SPMIP3: variants seen among roughly 807,000 people sequenced by gnomAD.
SPMIP3 encodes the protein sperm microtubule inner protein 3.
the SPMIP3 span, among the ~76,000 whole-genome samples, chr1:244,385,687 A>G: frequency 6.6e-6 from 1 of 152,168 alleles, no homozygotes; most frequent in African/African-American, 2.4e-5. Context: ...TTGTGCCTGT[A>G]TGTACTATTA....
chr1:244,367,041 T>C, the SPMIP3 span, among the ~76,000 whole-genome samples: 2 of 152,134 alleles, frequency 1.3e-5, no homozygotes, highest in Non-Finnish European at 2.9e-5. Context: ...TCAGCAGTTG[T>C]CAGCCGAGCA....
the SPMIP3 span, among the ~76,000 whole-genome samples, chr1:244,365,303 T>C: frequency 1.3e-5 from 2 of 152,238 alleles, no homozygotes; most frequent in Non-Finnish European, 2.9e-5. Flanking sequence ...GCTCCCATAA[T>C]TCCTACGTGT....
the SPMIP3 span, among the ~76,000 whole-genome samples, chr1:244,369,584 AGG>A: frequency 6.6e-6 from 1 of 152,082 alleles, no homozygotes; most frequent in Non-Finnish European, 1.5e-5. Flanking sequence ...TTACAGAGAG[AGG>A]GAGTCGCAGT....
the SPMIP3 span, chr1:244,375,411 T>C: frequency 6.2e-7 from 1 of 1,613,988 alleles, no homozygotes; most frequent in Admixed American, 1.7e-5. Flanking sequence ...TTCAAGGCTA[T>C]TACCCTGGGC....
At chr1:244,354,927 T>C in the SPMIP3 span, among the ~76,000 whole-genome samples, 16 of 152,346 alleles carry the variant, frequency 1.1e-4, no homozygotes, top group East Asian at 1.9e-4. Flanking sequence ...TTTAATTTTA[T>C]ATGCACTTGT....
chr1:244,389,118 T>C, the SPMIP3 span: 2 of 1,373,114 alleles, frequency 1.5e-6, no homozygotes, highest in Non-Finnish European at 2.1e-6. Context: ...GTGGCCCTTT[T>C]AGACTAAGTT....
the SPMIP3 span, chr1:244,376,374 C>T: frequency 2.6e-5 from 4 of 152,206 alleles, no homozygotes; most frequent in Non-Finnish European, 5.9e-5. Context: ...GCGATATACT[C>T]ACAGAAGGCT....
At chr1:244,356,277 C>T in the SPMIP3 span, among the ~76,000 whole-genome samples, 6 of 152,234 alleles carry the variant, frequency 3.9e-5, no homozygotes, top group East Asian at 9.6e-4. Flanking sequence ...TGTAAATGTT[C>T]GCTATCAGAT....
chr1:244,372,054 C>T, the SPMIP3 span, among the ~76,000 whole-genome samples: 1 of 152,204 alleles, frequency 6.6e-6, no homozygotes, highest in African/African-American at 2.4e-5. Context: ...TCATGCTAGA[C>T]AGTCAGGCCC....
chr1:244,376,331 C>T, the SPMIP3 span: 1 of 152,238 alleles, frequency 6.6e-6, no homozygotes, highest in Non-Finnish European at 1.5e-5. Context: ...ATGAAGCAGT[C>T]TTAATCTCCC....
At chr1:244,375,570 G>A in the SPMIP3 span, 1 of 697,146 alleles carries the variant, frequency 1.4e-6, no homozygotes, top group East Asian at 2.9e-5. Flanking sequence ...TAATACTGAT[G>A]ATAGCAAAAA....
chr1:244,369,048 T>C, the SPMIP3 span, among the ~76,000 whole-genome samples: 16 of 152,038 alleles, frequency 1.1e-4, no homozygotes, highest in South Asian at 2.1e-4. Context: ...AGTCCCAGCC[T>C]CTCGGGAGGC....
chr1:244,363,496 G>A, the SPMIP3 span, among the ~76,000 whole-genome samples: 1 of 152,034 alleles, frequency 6.6e-6, no homozygotes, highest in Non-Finnish European at 1.5e-5. Context: ...ACAGAAAGGG[G>A]GCTAACATAG....
At chr1:244,361,639 C>A in the SPMIP3 span, among the ~76,000 whole-genome samples, 1 of 152,176 alleles carries the variant, frequency 6.6e-6, no homozygotes. Flanking sequence ...TGGATCATTA[C>A]TCATTGTATG....
At chr1:244,377,977 T>C in the SPMIP3 span, among the ~76,000 whole-genome samples, 1 of 152,102 alleles carries the variant, frequency 6.6e-6, no homozygotes, top group Admixed American at 6.6e-5. Flanking sequence ...GGCTAATTTT[T>C]GTATTTTTTT....
the SPMIP3 span, among the ~76,000 whole-genome samples, chr1:244,382,255 T>C: frequency 1.3e-5 from 2 of 151,680 alleles, no homozygotes; most frequent in Non-Finnish European, 2.9e-5. Flanking sequence ...GGTAGTGCTA[T>C]ATGGGAAATA....
the SPMIP3 span, among the ~76,000 whole-genome samples, chr1:244,377,108 G>A: frequency 1.3e-5 from 2 of 148,698 alleles, no homozygotes; most frequent in Admixed American, 6.8e-5. Flanking sequence ...GCACCCAGTC[G>A]TACAGCATCA....
chr1:244,361,211 T>A, the SPMIP3 span, among the ~76,000 whole-genome samples: 30 of 146,072 alleles, frequency 2.1e-4, no homozygotes, highest in Admixed American at 7.4e-4. Context: ...TAATTTATCG[T>A]ACATTTCTTT....
chr1:244,375,574 G>A, the SPMIP3 span: 3 of 656,014 alleles, frequency 4.6e-6, no homozygotes, highest in East Asian at 3.0e-5. Context: ...ACTGATGATA[G>A]CAAAAATAAT....
Sources: allele counts gnomAD v4.1 joint callset (sites outside exome capture counted in the v4.1 genomes callset), GRCh38; gene constraint gnomAD v4.1.1; transcripts MANE v1.5; gene names NCBI Gene and HGNC (gene_info 2026-07-23, HGNC 2026-07-21).